The following DTNBP1 variants were observed in gnomAD, a reference collection of about 807,000 sequenced individuals.
DTNBP1 encodes dystrobrevin binding protein 1, also known as dysbindin.
In DTNBP1, 35 loss-of-function variants were observed where a neutral mutation model predicts 42.8. That is an observed-to-expected ratio of 0.82 (90% CI 0.63 to 1.09). The LOEUF (loss-of-function observed/expected upper bound fraction) is 1.09. DTNBP1 is among the 50% of genes least tolerant of loss of function. DTNBP1 has a pLI of 0.00. For synonymous variants in DTNBP1, 171 were observed against 162.2 expected (o/e 1.05, Z -0.41); for missense variants, 457 against 424.2 (o/e 1.08, Z -0.68).
chr6:15,662,411 G>C (rs1254238367), intron 1 of DTNBP1, among the ~76,000 whole-genome samples: 1 of 152,232 alleles, frequency 6.6e-6, no homozygotes, highest in African/African-American at 2.4e-5. Flanking sequence ...AGGTGCGCAC[G>C]AGCAGGTGTC....
Position 15,533,501 on chromosome 6 carries a change from G to C in DTNBP1, c.512-106C>G, listed in dbSNP as rs944761352. ...CCCTCCAAGTGGATGGAGTCATGCCGCGTTTACAGACTGGGCTGGTGCCCC... is the reference window on the plus strand; with the variant it reads ...CCCTCCAAGTGGATGGAGTCATGCCCCGTTTACAGACTGGGCTGGTGCCCC... On this transcript the variant is annotated intron_variant, in intron 7 of 9. Coordinates refer to ENST00000344537, the MANE Select transcript of DTNBP1 (RefSeq NM_032122.5). 2.5e-6 allele frequency: 4 copies of C among 1,574,738 alleles called. No individual in the cohort carries two copies. In the Admixed American group the frequency reaches 6.7e-5, roughly 26 times the overall value.
chr6:15,594,278 C>G (rs1490971093), intron 6 of DTNBP1, among the ~76,000 whole-genome samples: 1 of 151,888 alleles, frequency 6.6e-6, no homozygotes, highest in Non-Finnish European at 1.5e-5. Flanking sequence ...GCCTGGCCAA[C>G]ATGGTGAAAC....
chr6:15,542,342 TA>T (rs762741908), intron 7 of DTNBP1, among the ~76,000 whole-genome samples: 5 of 152,188 alleles, frequency 3.3e-5, no homozygotes, highest in Non-Finnish European at 7.4e-5. Context: ...TGACAGATTT[TA>T]AAAATTGGGA....
chr6:15,641,229 T>C (rs1760330911), intron 3 of DTNBP1, among the ~76,000 whole-genome samples: 1 of 152,240 alleles, frequency 6.6e-6, no homozygotes, highest in Non-Finnish European at 1.5e-5. Flanking sequence ...GTTTTTGTTT[T>C]TGTTTTTGTC....
chr6:15,624,953 T>A (rs1448224259), intron 5 of DTNBP1, among the ~76,000 whole-genome samples: 1 of 152,192 alleles, frequency 6.6e-6, no homozygotes, highest in Admixed American at 6.5e-5. Flanking sequence ...ACTCACTCCA[T>A]CAAATTTGGC....
At chr6:15,620,158 G>A (rs927116247) in intron 5 of DTNBP1, among the ~76,000 whole-genome samples, 6 of 152,092 alleles carry the variant, frequency 3.9e-5, no homozygotes, top group African/African-American at 1.4e-4. Flanking sequence ...TAATAATAAT[G>A]TAGTTCATGG....
At chr6:15,649,304 T>A (rs1313048295) in intron 3 of DTNBP1, among the ~76,000 whole-genome samples, 1 of 152,162 alleles carries the variant, frequency 6.6e-6, no homozygotes, top group Non-Finnish European at 1.5e-5. Context: ...ATATGGTACA[T>A]ACTTACAATA....
chr6:15,577,385 G>T (rs1405343314), intron 7 of DTNBP1, among the ~76,000 whole-genome samples: 1 of 152,230 alleles, frequency 6.6e-6, no homozygotes, highest in Admixed American at 6.5e-5. Context: ...ATGCCCGCAC[G>T]GCAGCCCAGA....
intron 7 of DTNBP1, among the ~76,000 whole-genome samples, chr6:15,556,688 G>T (rs746510112): frequency 2.0e-5 from 3 of 152,100 alleles, no homozygotes; most frequent in Non-Finnish European, 4.4e-5. Context: ...GCACTGGGTG[G>T]GTCTTTCCCT....
intron 7 of DTNBP1, among the ~76,000 whole-genome samples, chr6:15,556,183 CTTTT>C (rs112833362): frequency 7.1e-6 from 1 of 140,106 alleles, no homozygotes; most frequent in Non-Finnish European, 1.6e-5. Flanking sequence ...GTTAAAAAAT[CTTTT>C]TTTTTTTTTT....
intron 7 of DTNBP1, among the ~76,000 whole-genome samples, chr6:15,564,063 CG>C (rs1194809265): frequency 7.4e-6 from 1 of 135,770 alleles, no homozygotes; most frequent in South Asian, 2.4e-4. Flanking sequence ...AACTTGGTCT[CG>C]GAAAAAAAAA....
At chr6:15,523,732 G>C in intron 9 of DTNBP1, 1 of 1,287,258 alleles carries the variant, frequency 7.8e-7, no homozygotes, top group Non-Finnish European at 1.0e-6. Flanking sequence ...GACTCTGGGT[G>C]AGGGTTCACG....
chr6:15,641,898 A>T (rs1562008698), intron 3 of DTNBP1, among the ~76,000 whole-genome samples: 1 of 152,206 alleles, frequency 6.6e-6, no homozygotes, highest in Non-Finnish European at 1.5e-5. Flanking sequence ...ATGCAGGCAC[A>T]GTGCCAACTG....
chr6:15,524,724 G>C (rs1340623800), intron 8 of DTNBP1, 55 bp from the exon 9 acceptor site: 2 of 1,598,542 alleles, frequency 1.3e-6, no homozygotes, highest in Non-Finnish European at 8.5e-7. Context: ...TACTTTAAAA[G>C]GTGAACTTCC....
rs1043516377 is a variant in DTNBP1, at chr6:15,592,990, T to C, written c.511+69A>G. The C allele has an allele frequency of 1.5e-4, 202 of 1,392,094 alleles. 1 individual carries two copies. The highest frequency in any genetic ancestry group is 1.8e-4 in the Middle Eastern group (1 of 5,480). The allele number at this position is 1,392,094 out of a possible 1,614,324, so 86.2% of individuals were successfully genotyped here. A position where few individuals can be genotyped will look rare whatever the true frequency, so the allele number is the denominator to read the frequency against. ...TTTTAAAAAATGAGTTTGTTCATCA[T>C]TGTCGAGAGAACATCTGATACCAAT... On this transcript the variant is annotated intron_variant, in intron 7 of 9. Transcript: ENST00000344537.
At chr6:15,557,711 A>T (rs1338116114) in intron 7 of DTNBP1, among the ~76,000 whole-genome samples, 2 of 152,194 alleles carry the variant, frequency 1.3e-5, no homozygotes, top group African/African-American at 4.8e-5. Flanking sequence ...GGCAGGAAAA[A>T]AGAGATTGTT....
intron 7 of DTNBP1, among the ~76,000 whole-genome samples, chr6:15,590,957 C>T (rs1776274081): frequency 6.6e-6 from 1 of 152,122 alleles, no homozygotes; most frequent in Admixed American, 6.5e-5. Flanking sequence ...GAGGAAGTAA[C>T]ACCTTTTATT....
chr6:15,658,601 C>T (rs1761415890), intron 1 of DTNBP1, among the ~76,000 whole-genome samples: 1 of 152,162 alleles, frequency 6.6e-6, no homozygotes, highest in Non-Finnish European at 1.5e-5. Context: ...GCTGTAAACC[C>T]GTCAGTAAAT....
intron 7 of DTNBP1, among the ~76,000 whole-genome samples, chr6:15,572,978 A>G (rs1206690996): frequency 6.6e-6 from 1 of 152,206 alleles, no homozygotes; most frequent in Admixed American, 6.5e-5. Flanking sequence ...GCGATCCTCC[A>G]GCCTTGGCCT....
Sources: gnomAD v4.1 joint callset for allele counts (sites outside exome capture counted in the v4.1 genomes callset) on GRCh38, gnomAD v4.1.1 for gene constraint, MANE v1.5 for transcripts, NCBI Gene and HGNC (gene_info 2026-07-23, HGNC 2026-07-21) for gene names.